The following GAPVD1 variants were observed in gnomAD, a reference collection of about 807,000 sequenced individuals.
GAPVD1 encodes GTPase activating protein and VPS9 domains 1.
In GAPVD1, 35 loss-of-function variants were observed where a neutral mutation model predicts 155.5. The ratio of observed to expected loss-of-function variants is 0.23; its 90% CI spans 0.17 to 0.30. The LOEUF is 0.30. Among genes scored for constraint, GAPVD1 ranks in the 10% least tolerant of loss-of-function variants. GAPVD1 has a pLI of 1.00. For missense variants in GAPVD1, 1,429 were observed against 1,775.7 expected (o/e 0.80, Z 3.51); for synonymous variants, 636 against 619.7 (o/e 1.03, Z -0.39).
chr9:125,281,629 G>T (rs766958034), intron 2 of GAPVD1, among the ~76,000 whole-genome samples: 39 of 151,974 alleles, frequency 2.6e-4, no homozygotes, highest in Non-Finnish European at 4.1e-4. Context: ...CATTAAATAA[G>T]GTTCATACTT....
In GAPVD1 at chr9:125,363,601, C is replaced by T. The variant is rs1312156713; in HGVS notation, c.*855C>T. On this transcript the variant is annotated 3_prime_UTR_variant, in exon 28 of 28. Transcript: ENST00000297933. Reference sequence around the variant, plus strand: ...ACATAAAAAGGAACAGTGGATAGCTCATACTTTATGGTGGTTCTTCTCCTC... The same window carrying T: ...ACATAAAAAGGAACAGTGGATAGCTTATACTTTATGGTGGTTCTTCTCCTC... The T allele has an allele frequency of 1.3e-5, 2 of 152,452 alleles. No homozygotes were observed. Among genetic ancestry groups the T allele is most frequent in the African/African-American group, 4.8e-5 (2 of 41,422 alleles). The allele number at this position is 152,452 out of a possible 1,614,324, so 9.4% of individuals were successfully genotyped here.
Position 125,271,531 on chromosome 9 carries a change from G to A in GAPVD1, c.-150+2547G>A, listed in dbSNP as rs114340589. 5.0e-3 allele frequency among the ~76,000 whole-genome samples: 764 copies of A among 151,854 alleles called. 9 individuals are homozygous for A. The highest frequency in any genetic ancestry group is 0.017 in the African/African-American group (715 of 41,446). On this transcript the variant is annotated intron_variant, in intron 2 of 27. Coordinates refer to ENST00000297933, the MANE Select transcript of GAPVD1 (RefSeq NM_001282680.3). The stretch of plus-strand genomic sequence containing the variant: ...ATTTTAACAAATACTTATATTTTTC[G>A]GACTTAGATTAACTTATTTTTTTAT...
At chr9:125,360,248 T>A (rs1385820661) in intron 26 of GAPVD1, among the ~76,000 whole-genome samples, 3 of 152,212 alleles carry the variant, frequency 2.0e-5, no homozygotes, top group Non-Finnish European at 4.4e-5. Flanking sequence ...AGAAAGAGAA[T>A]GGTTTGAAAT....
chr9:125,339,963 A>G (rs1421481565), intron 17 of GAPVD1, among the ~76,000 whole-genome samples: 1 of 152,182 alleles, frequency 6.6e-6, no homozygotes, highest in African/African-American at 2.4e-5. Context: ...TGATTTGTCC[A>G]TGGTCACATG....
intron 25 of GAPVD1, among the ~76,000 whole-genome samples, chr9:125,356,214 G>C (rs1408860585): frequency 6.6e-6 from 1 of 152,150 alleles, no homozygotes; most frequent in Non-Finnish European, 1.5e-5. Flanking sequence ...GTTACATCCT[G>C]TTAGGGCTCT....
At chr9:125,304,392 A>G (rs1841452180) in intron 5 of GAPVD1, among the ~76,000 whole-genome samples, 1 of 152,150 alleles carries the variant, frequency 6.6e-6, no homozygotes, top group Non-Finnish European at 1.5e-5. Flanking sequence ...CTTATGGTAG[A>G]TAATGTATTT....
intron 2 of GAPVD1, among the ~76,000 whole-genome samples, chr9:125,272,628 C>G (rs1835107320): frequency 6.6e-6 from 1 of 152,104 alleles, no homozygotes; most frequent in Non-Finnish European, 1.5e-5. Flanking sequence ...TTCCATAATT[C>G]TATAGAGACA....
Position 125,342,289 on chromosome 9 carries a change from A to G in GAPVD1, c.3036A>G (p.Ser1012=), listed in dbSNP as rs747211387. 27 of 1,580,366 alleles carry G rather than the reference A, an allele frequency of 1.7e-5. No homozygotes were observed. Among genetic ancestry groups the G allele is most frequent in the African/African-American group, 1.3e-5 (1 of 74,408 alleles). Residue 1012 remains serine, a synonymous_variant, in exon 19 of 28, where the codon TCA becomes TCG. Coordinates refer to ENST00000297933, the MANE Select transcript of GAPVD1 (RefSeq NM_001282680.3). ...DKDDLGPDRF[S]TLTDDPSPRL... ...ATGATCTGGGGCCTGACAGATTCTC[A>G]ACACTCACAGGTTTGTAGACCCATG... is the stretch of plus-strand genomic sequence containing the variant.
intron 2 of GAPVD1, among the ~76,000 whole-genome samples, chr9:125,274,662 G>T (rs1835473236): frequency 6.6e-6 from 1 of 151,948 alleles, no homozygotes; most frequent in African/African-American, 2.4e-5. Flanking sequence ...GGGTTTCTCT[G>T]TGTTGGTCAG....
Position 125,299,116 on chromosome 9 carries a change from T to A in GAPVD1, c.185+10T>A. 1 of 1,513,974 alleles carries A rather than the reference T, an allele frequency of 6.6e-7. No homozygotes were observed. Among genetic ancestry groups the A allele is most frequent in the South Asian group, 1.2e-5 (1 of 80,882 alleles). The allele number at this position is 1,513,974 out of a possible 1,614,324, so 93.8% of individuals were successfully genotyped here. A position where few individuals can be genotyped will look rare whatever the true frequency, so the allele number is the denominator to read the frequency against. ...GGCTTATCATAACCAGGTAAAGAGA[T>A]GATTTTCAGGTTTTAAGTTTTGTGA... On this transcript the variant is annotated intron_variant, in intron 4 of 27. Transcript: ENST00000297933.
chr9:125,343,851 G>A lies in GAPVD1; in HGVS notation c.3046+1552G>A, dbSNP rs143272978. The stretch of plus-strand genomic sequence containing the variant: ...TTCCTAATGTTAGAAGAACACTAGC[G>A]TTTACAAAGTGAATTACTCTTAATG... On this transcript the variant is annotated intron_variant, in intron 19 of 27. Coordinates refer to ENST00000297933, the MANE Select transcript of GAPVD1 (RefSeq NM_001282680.3). Among the ~76,000 whole-genome samples the A allele has an allele frequency of 1.8e-3, 275 of 152,290 alleles. 2 individuals carry two copies. Among genetic ancestry groups the A allele is most frequent in the African/African-American group, 6.2e-3 (257 of 41,570 alleles).
At position 125,285,453 on chromosome 9, in the gene GAPVD1, GT is replaced by G. The variant is rs10659223; in HGVS notation, c.-149-9983del. On this transcript the variant is annotated intron_variant, in intron 2 of 27. Coordinates refer to ENST00000297933, the MANE Select transcript of GAPVD1 (RefSeq NM_001282680.3). ...GGCATAATCTATTTCTTTTTTCTTT[GT>G]TTTTTTTTTTTTTTTTTTTTTGAGG... 2.7e-3 allele frequency among the ~76,000 whole-genome samples: 257 copies of G among 94,686 alleles called. 1 individual carries two copies. Among genetic ancestry groups the G allele is most frequent in the African/African-American group, 5.1e-3 (123 of 23,996 alleles). The allele number at this position is 94,686 out of a possible 152,430, so 62.1% of individuals were successfully genotyped here.
intron 25 of GAPVD1, among the ~76,000 whole-genome samples, chr9:125,356,988 G>A (rs547811400): frequency 1.3e-5 from 2 of 152,090 alleles, no homozygotes. Flanking sequence ...TTTATTTTTT[G>A]TAGAGACGAG....
chr9:125,284,707 T>C lies in GAPVD1; in HGVS notation c.-149-10751T>C, dbSNP rs576773273. ...AGGCAGTGTCATTGTGTAAACATTA[T>C]AGAGTGTGTTTACACAAACTTAGGT... On this transcript the variant is annotated intron_variant, in intron 2 of 27. Coordinates refer to ENST00000297933, the MANE Select transcript of GAPVD1 (RefSeq NM_001282680.3). Among the ~76,000 whole-genome samples the C allele has an allele frequency of 7.9e-5, 12 of 152,258 alleles. No individual in the cohort carries two copies. The South Asian group carries it at 2.5e-3, about 32-fold the overall frequency.
rs768759979 is a variant in GAPVD1 at position 125,331,915 on chromosome 9, C to T, written c.2174-11C>T. 6.2e-7 allele frequency: 1 copy of T among 1,613,360 alleles called. No individual in the cohort carries two copies. Among genetic ancestry groups the T allele is most frequent in the Non-Finnish European group, 8.5e-7 (1 of 1,179,330 alleles). On this transcript the variant is annotated splice_polypyrimidine_tract_variant and intron_variant, in intron 13 of 27. Transcript: ENST00000297933. ...ATCACAAATGTAACATACCTCTTATCTTCTATTTAGAGGCCCCAGACCTAA... is the reference window on the plus strand; with the variant it reads ...ATCACAAATGTAACATACCTCTTATTTTCTATTTAGAGGCCCCAGACCTAA...
intron 13 of GAPVD1, among the ~76,000 whole-genome samples, chr9:125,330,857 A>G (rs1845966276): frequency 6.6e-6 from 1 of 152,196 alleles, no homozygotes; most frequent in Non-Finnish European, 1.5e-5. Flanking sequence ...TAAGAGTAGC[A>G]ACACAGTTCA....
chr9:125,280,516 G>A (rs781534479), intron 2 of GAPVD1, among the ~76,000 whole-genome samples: 7 of 150,746 alleles, frequency 4.6e-5, no homozygotes, highest in Non-Finnish European at 1.0e-4. Flanking sequence ...TATTTCCTAA[G>A]CACCCTTATT....
intron 26 of GAPVD1, 148 bp from the exon 27 acceptor site, chr9:125,360,380 A>C (rs1850728868): frequency 3.4e-6 from 2 of 588,682 alleles, no homozygotes; most frequent in Non-Finnish European, 6.1e-6. Flanking sequence ...TCTTTAGTGA[A>C]GGGGAAAGGG....
In GAPVD1 at chr9:125,298,977, A is replaced by G; in HGVS notation, c.56A>G (p.Tyr19Cys). 1 of 1,612,542 alleles carries G rather than the reference A, an allele frequency of 6.2e-7. No individual in the cohort carries two copies. Among genetic ancestry groups the G allele is most frequent in the Non-Finnish European group, 8.5e-7 (1 of 1,178,860 alleles). Residue 19 changes from tyrosine to cysteine, a missense_variant, in exon 4 of 28, where the codon TAT (tyrosine) becomes TGT (cysteine). Transcript: ENST00000297933. ...CATCACCTCAAGCAGGAACGCTTAT[A>G]TGTAAACTCTGAGAAACAGCTCATT... is the stretch of plus-strand genomic sequence containing the variant. ...LAHHLKQERLYVNSEKQLIQR... is the reference protein window; with the variant it reads ...LAHHLKQERLCVNSEKQLIQR...
Sources: allele counts gnomAD v4.1 joint callset (sites outside exome capture counted in the v4.1 genomes callset), GRCh38; gene constraint gnomAD v4.1.1; transcripts MANE v1.5; gene names NCBI Gene and HGNC (gene_info 2026-07-23, HGNC 2026-07-21).